BCL2L1: variants seen among roughly 807,000 people sequenced by gnomAD.
BCL2L1 encodes BCL2 like 1.
Under a neutral mutation model 18.7 loss-of-function variants are expected in BCL2L1, and 1 was observed. The observed-to-expected ratio is 0.05, with a 90% CI of 0.02 to 0.25. The LOEUF (loss-of-function observed/expected upper bound fraction) is 0.25, where lower values mean the gene tolerates loss of function less well. Ranked by LOEUF, BCL2L1 falls within the 10% of genes least tolerant of loss-of-function variation. The pLI is 1.00. For synonymous variants in BCL2L1, 103 were observed against 122.7 expected (o/e 0.84, Z 1.06); for missense variants, 207 against 304.9 (o/e 0.68, Z 2.39).
intron 2 of BCL2L1, among the ~76,000 whole-genome samples, chr20:31,706,506 C>A (rs908160602): frequency 6.6e-6 from 1 of 152,244 alleles, no homozygotes; most frequent in Non-Finnish European, 1.5e-5. Context: ...CCACCAAGTA[C>A]TAGGCCCAGC....
chr20:31,691,791 G>A (rs1035238565), intron 2 of BCL2L1, among the ~76,000 whole-genome samples: 2 of 152,172 alleles, frequency 1.3e-5, no homozygotes, highest in South Asian at 2.1e-4. Context: ...GCCAACAGAT[G>A]TAAGAAAAGA....
chr20:31,719,610 A>G (rs1218141702), intron 2 of BCL2L1, among the ~76,000 whole-genome samples: 1 of 152,220 alleles, frequency 6.6e-6, no homozygotes, highest in African/African-American at 2.4e-5. Flanking sequence ...ATGTTGTCCA[A>G]CAGGCTCTGA....
chr20:31,676,475 T>C (rs1270670292), intron 2 of BCL2L1, among the ~76,000 whole-genome samples: 1 of 152,104 alleles, frequency 6.6e-6, no homozygotes, highest in East Asian at 1.9e-4. Context: ...TATGTGCTCA[T>C]ATAGGCTCAT....
chr20:31,713,829 C>A (rs2061486809), intron 2 of BCL2L1, among the ~76,000 whole-genome samples: 1 of 152,222 alleles, frequency 6.6e-6, no homozygotes, highest in South Asian at 2.1e-4. Flanking sequence ...CAAGGTCACA[C>A]AGCAAGCTAG....
At chr20:31,687,940 C>T (rs2122591417) in intron 2 of BCL2L1, among the ~76,000 whole-genome samples, 1 of 152,236 alleles carries the variant, frequency 6.6e-6, no homozygotes, top group South Asian at 2.1e-4. Context: ...TGGGCTTAAT[C>T]CTAGCTCTGC....
chr20:31,696,913 G>A (rs1016201213), intron 2 of BCL2L1, among the ~76,000 whole-genome samples: 2 of 151,930 alleles, frequency 1.3e-5, no homozygotes, highest in African/African-American at 2.4e-5. Context: ...AAAATTAGCT[G>A]GGCATGGTGG....
intron 2 of BCL2L1, among the ~76,000 whole-genome samples, chr20:31,697,335 A>G (rs1320258246): frequency 6.6e-6 from 1 of 152,132 alleles, no homozygotes; most frequent in Non-Finnish European, 1.5e-5. Context: ...GAGCCTGGAT[A>G]GAATATACAT....
intron 2 of BCL2L1, among the ~76,000 whole-genome samples, chr20:31,687,370 G>A (rs539764255): frequency 3.3e-5 from 5 of 152,204 alleles, no homozygotes; most frequent in Admixed American, 6.5e-5. Flanking sequence ...GAAAATTCTC[G>A]GTCGGGCGCG....
At chr20:31,675,840 A>C (rs1015283588) in intron 2 of BCL2L1, among the ~76,000 whole-genome samples, 2 of 152,172 alleles carry the variant, frequency 1.3e-5, no homozygotes, top group Non-Finnish European at 2.9e-5. Flanking sequence ...CATCTGGGCT[A>C]TAGGGAATAT....
intron 2 of BCL2L1, among the ~76,000 whole-genome samples, chr20:31,702,871 G>A (rs1163433518): frequency 1.3e-5 from 2 of 149,196 alleles, no homozygotes; most frequent in Non-Finnish European, 3.0e-5. Flanking sequence ...GCTTGAACCC[G>A]GGAGGCGGAG....
At chr20:31,687,768 A>AT (rs2060987726) in intron 2 of BCL2L1, among the ~76,000 whole-genome samples, 1 of 151,868 alleles carries the variant, frequency 6.6e-6, no homozygotes, top group South Asian at 2.1e-4. Context: ...CTGATCAGAC[A>AT]TATGTGGGTT....
chr20:31,700,458 CT>C lies in BCL2L1; in HGVS notation c.564+21196del, dbSNP rs1408550297. Among the ~76,000 whole-genome samples the C allele has an allele frequency of 2.0e-5, 3 of 152,356 alleles. No individual in the cohort carries two copies. In the East Asian group the frequency reaches 5.8e-4, roughly 29 times the overall value. On this transcript the variant is annotated intron_variant, in intron 2 of 2. Transcript: ENST00000307677. ...CAAGGAGGGCCTTGGAATCCTCCCC[CT>C]GGCACTTGAAGATCCTACAAACCTG...
rs770213331 is a variant in BCL2L1, at chr20:31,722,087, C to G, written c.132G>C (p.Glu44Asp). The G allele has an allele frequency of 1.3e-6, 2 of 1,590,998 alleles. No homozygotes were observed. Among genetic ancestry groups the G allele is most frequent in the Non-Finnish European group, 1.7e-6 (2 of 1,168,460 alleles). ...CATTGATGGCACTGGGGGTCTCCAT[C>G]TCCGATTCAGTCCCTTCTGGGGCCT... ...RTEAPEGTES[E>D]METPSAINGN... is the part of the protein sequence containing the mutation. The change falls in exon 2 of 3, where the codon GAG (glutamate) becomes GAC (aspartate). Residue 44 changes from glutamate (E) to aspartate (D), a missense_variant. By Grantham distance (45) the Glu-to-Asp change is conservative. Coordinates refer to ENST00000307677, the MANE Select transcript of BCL2L1 (RefSeq NM_138578.3).
intron 2 of BCL2L1, among the ~76,000 whole-genome samples, chr20:31,687,411 G>C (rs2060976760): frequency 6.6e-6 from 1 of 151,782 alleles, no homozygotes; most frequent in Admixed American, 6.6e-5. Flanking sequence ...CAGCACTTTG[G>C]GAGGCGTCGG....
intron 2 of BCL2L1, among the ~76,000 whole-genome samples, chr20:31,717,037 A>G (rs981430524): frequency 6.6e-6 from 1 of 151,912 alleles, no homozygotes; most frequent in African/African-American, 2.4e-5. Flanking sequence ...CTTAGGGAGG[A>G]CTCTGTGGAA....
intron 2 of BCL2L1, among the ~76,000 whole-genome samples, chr20:31,687,713 T>C (rs1196598409): frequency 3.3e-5 from 5 of 151,510 alleles, no homozygotes; most frequent in Admixed American, 6.6e-5. Flanking sequence ...TCTCAAACTC[T>C]TTCCCCGGGA....
intron 2 of BCL2L1, among the ~76,000 whole-genome samples, chr20:31,691,712 T>C (rs530230885): frequency 6.6e-6 from 1 of 151,912 alleles, no homozygotes; most frequent in South Asian, 2.1e-4. Flanking sequence ...TACAAACCCA[T>C]AAGAAAAAGT....
intron 2 of BCL2L1, among the ~76,000 whole-genome samples, chr20:31,669,558 T>C (rs2060635967): frequency 6.6e-6 from 1 of 151,676 alleles, no homozygotes; most frequent in African/African-American, 2.4e-5. Context: ...GTTCAAGCCA[T>C]TCTCCTGCCT....
intron 2 of BCL2L1, among the ~76,000 whole-genome samples, chr20:31,721,130 G>A (rs550539639): frequency 6.6e-6 from 1 of 152,348 alleles, no homozygotes; most frequent in East Asian, 1.9e-4. Context: ...CCATGCCCTA[G>A]TCTGAGAGGA....
Sources: allele counts gnomAD v4.1 joint callset (sites outside exome capture counted in the v4.1 genomes callset), GRCh38; gene constraint gnomAD v4.1.1; transcripts MANE v1.5; gene names NCBI Gene and HGNC (gene_info 2026-07-23, HGNC 2026-07-21).